OR2L13: variants seen among roughly 807,000 people sequenced by gnomAD.
OR2L13 encodes olfactory receptor 2L13.
OR2L13 carries 14 observed loss-of-function variants against 15.3 expected under a neutral mutation model. The observed-to-expected ratio is 0.91, with a 90% CI of 0.60 to 1.43. The LOEUF is 1.43. Ranked by LOEUF, OR2L13 falls within the 40% of genes most tolerant of loss-of-function variation. OR2L13 has a pLI of 0.00. For missense variants in OR2L13, 367 were observed against 387.9 expected, an observed-to-expected ratio of 0.95 and a Z score of 0.45; for synonymous variants, 152 against 142.9, an observed-to-expected ratio of 1.06 and a Z score of -0.45.
the OR2L13 span, among the ~76,000 whole-genome samples, chr1:247,962,084 G>A: frequency 5.7e-4 from 86 of 152,134 alleles, 2 homozygotes; most frequent in Non-Finnish European, 1.0e-3. Flanking sequence ...CCAATTTTTT[G>A]CTTTGGCCCA....
intron 1 of OR2L13, among the ~76,000 whole-genome samples, chr1:248,098,040 C>T (rs1299010690): frequency 6.6e-6 from 1 of 152,188 alleles, no homozygotes; most frequent in Non-Finnish European, 1.5e-5. Context: ...AATGAAGCCA[C>T]ATGAGTTACA....
At chr1:248,056,796 C>T in the OR2L13 span, among the ~76,000 whole-genome samples, 26 of 151,078 alleles carry the variant, frequency 1.7e-4, no homozygotes, top group South Asian at 3.0e-3. Context: ...TGCTGGTACA[C>T]GCCACCATAC....
the OR2L13 span, among the ~76,000 whole-genome samples, chr1:247,957,568 G>T: frequency 7.4e-4 from 113 of 152,226 alleles, no homozygotes; most frequent in Admixed American, 5.2e-4. Flanking sequence ...AATCCATCTG[G>T]TCCTGGACTT....
At chr1:247,970,138 A>G in the OR2L13 span, among the ~76,000 whole-genome samples, 1 of 152,090 alleles carries the variant, frequency 6.6e-6, no homozygotes, top group African/African-American at 2.4e-5. Context: ...CATAATTTTG[A>G]GGATTTCCTC....
the OR2L13 span, among the ~76,000 whole-genome samples, chr1:247,978,875 G>A: frequency 6.6e-6 from 1 of 152,094 alleles, no homozygotes; most frequent in East Asian, 1.9e-4. Context: ...CACAGTCTTG[G>A]TGGTCCCCTG....
At chr1:247,989,076 G>T in the OR2L13 span, among the ~76,000 whole-genome samples, 2 of 151,960 alleles carry the variant, frequency 1.3e-5, no homozygotes, top group Non-Finnish European at 2.9e-5. Context: ...TTCAGATGGG[G>T]GTCTGCACTA....
the OR2L13 span, among the ~76,000 whole-genome samples, chr1:248,060,245 C>T: frequency 2.0e-5 from 3 of 152,080 alleles, no homozygotes; most frequent in African/African-American, 7.2e-5. Flanking sequence ...AGATATCTTT[C>T]TTATAAATTT....
the OR2L13 span, among the ~76,000 whole-genome samples, chr1:248,044,524 C>T: frequency 1.1e-5 from 1 of 89,668 alleles, no homozygotes; most frequent in South Asian, 2.5e-4. Flanking sequence ...CCTTCCCCGG[C>T]CGGGCGCGGT....
the OR2L13 span, chr1:247,965,385 A>C: frequency 6.2e-7 from 1 of 1,609,200 alleles, no homozygotes; most frequent in Non-Finnish European, 8.5e-7. Flanking sequence ...CCATGAAAAC[A>C]GGAAATCAAA....
chr1:248,027,762 G>A, the OR2L13 span, among the ~76,000 whole-genome samples: 2 of 152,130 alleles, frequency 1.3e-5, no homozygotes, highest in Admixed American at 1.3e-4. Flanking sequence ...CTGACTCAGT[G>A]CAGGATGCAG....
At chr1:248,038,551 G>C in the OR2L13 span, 9 of 1,614,160 alleles carry the variant, frequency 5.6e-6, no homozygotes, top group Non-Finnish European at 7.6e-6. Flanking sequence ...TCCTTCACTG[G>C]ATGTGGGATT....
At chr1:248,022,833 G>A in the OR2L13 span, 4 of 1,613,428 alleles carry the variant, frequency 2.5e-6, no homozygotes, top group South Asian at 3.3e-5. Flanking sequence ...AAACAAGGAG[G>A]TGATGGGGGC....
the OR2L13 span, chr1:248,003,978 T>C: frequency 9.3e-6 from 15 of 1,614,002 alleles, no homozygotes; most frequent in Non-Finnish European, 1.3e-5. Context: ...CTCACCCCAA[T>C]GCTCAACCCC....
chr1:248,000,603 T>G, the OR2L13 span, among the ~76,000 whole-genome samples: 1 of 152,150 alleles, frequency 6.6e-6, no homozygotes, highest in Non-Finnish European at 1.5e-5. Flanking sequence ...GTAATTATTA[T>G]GCTGAATATG....
At chr1:248,060,828 C>A in the OR2L13 span, 2 of 1,614,018 alleles carry the variant, frequency 1.2e-6, no homozygotes, top group Non-Finnish European at 1.7e-6. Context: ...TTCTCATCTT[C>A]TTGGACACCC....
chr1:247,973,995 A>C, the OR2L13 span, among the ~76,000 whole-genome samples: 1 of 152,206 alleles, frequency 6.6e-6, no homozygotes, highest in African/African-American at 2.4e-5. Flanking sequence ...TTATAGCAGC[A>C]CTATTTACAA....
At chr1:247,987,062 A>G in the OR2L13 span, among the ~76,000 whole-genome samples, 2 of 151,784 alleles carry the variant, frequency 1.3e-5, no homozygotes, top group South Asian at 4.1e-4. Context: ...TTTTGATACT[A>G]TTGTAAATAA....
the OR2L13 span, among the ~76,000 whole-genome samples, chr1:248,019,941 C>T: frequency 6.6e-6 from 1 of 152,100 alleles, no homozygotes; most frequent in Non-Finnish European, 1.5e-5. Flanking sequence ...GTGCGAGCCA[C>T]CACCCCTGGC....
At chr1:248,003,115 A>G in the OR2L13 span, 1 of 1,190,270 alleles carries the variant, frequency 8.4e-7, no homozygotes. Context: ...TTCCGGATGG[A>G]TTGTAGGAAT....
Sources: allele counts gnomAD v4.1 joint callset (sites outside exome capture counted in the v4.1 genomes callset), GRCh38; gene constraint gnomAD v4.1.1; transcripts MANE v1.5; gene names NCBI Gene and HGNC (gene_info 2026-07-23, HGNC 2026-07-21).